The following EPHA6 variants were observed in gnomAD, a reference collection of about 807,000 sequenced individuals.
EPHA6 encodes the protein ephrin type-A receptor 6.
EPHA6 carries 50 observed loss-of-function variants against 112.0 expected under a neutral mutation model. That is an observed-to-expected ratio of 0.45 (90% CI 0.36 to 0.56). The LOEUF is 0.56. EPHA6 is among the 20% of genes least tolerant of loss of function. EPHA6 has a pLI of 0.00. For missense variants in EPHA6, 1,280 were observed against 1,417.4 expected (o/e 0.90, Z 1.56); for synonymous variants, 529 against 490.7 (o/e 1.08, Z -1.03).
chr3:97,639,286 G>A (rs906395472), intron 14 of EPHA6, among the ~76,000 whole-genome samples: 20 of 151,942 alleles, frequency 1.3e-4, no homozygotes, highest in East Asian at 3.9e-4. Context: ...TTTAGAAAAA[G>A]CAGTATTTTC....
intron 3 of EPHA6, among the ~76,000 whole-genome samples, chr3:97,028,381 A>G (rs2044714079): frequency 1.3e-5 from 2 of 152,144 alleles, no homozygotes. Context: ...AGTAGCTGTA[A>G]TAATAGGAGC....
At chr3:96,865,197 C>T (rs913652184) in intron 1 of EPHA6, among the ~76,000 whole-genome samples, 8 of 151,948 alleles carry the variant, frequency 5.3e-5, no homozygotes, top group African/African-American at 1.9e-4. Flanking sequence ...TTTAACAATA[C>T]TAAAGGAATA....
chr3:97,065,885 A>T (rs867776710), intron 3 of EPHA6, among the ~76,000 whole-genome samples: 44 of 152,112 alleles, frequency 2.9e-4, no homozygotes, highest in African/African-American at 8.2e-4. Flanking sequence ...TGATTTTTTT[A>T]AAAAAATCCT....
chr3:97,288,997 G>T (rs1171079564), intron 5 of EPHA6, among the ~76,000 whole-genome samples: 1 of 142,024 alleles, frequency 7.0e-6, no homozygotes, highest in African/African-American at 2.6e-5. Flanking sequence ...ACTTTTGTCA[G>T]ATACATAATT....
chr3:97,615,497 A>G (rs2093758090), intron 13 of EPHA6, among the ~76,000 whole-genome samples: 1 of 152,128 alleles, frequency 6.6e-6, no homozygotes, highest in Non-Finnish European at 1.5e-5. Context: ...CCTCCACAGT[A>G]GCCTACGGGA....
At chr3:96,854,240 C>G (rs1316508795) in intron 1 of EPHA6, among the ~76,000 whole-genome samples, 3 of 145,774 alleles carry the variant, frequency 2.1e-5, no homozygotes, top group Non-Finnish European at 3.0e-5. Context: ...AGTGCAGTGG[C>G]ACAATCTCAG....
At chr3:97,743,073 T>C (rs890842205) in intron 16 of EPHA6, among the ~76,000 whole-genome samples, 1 of 152,140 alleles carries the variant, frequency 6.6e-6, no homozygotes, top group African/African-American at 2.4e-5. Context: ...TTCTCCACTC[T>C]GAAACCTATA....
At chr3:97,435,908 T>C (rs1560004984) in intron 6 of EPHA6, among the ~76,000 whole-genome samples, 2 of 152,190 alleles carry the variant, frequency 1.3e-5, no homozygotes, top group East Asian at 1.9e-4. Context: ...TCTGCAGATA[T>C]TTTCACATTC....
chr3:97,637,941 G>C lies in EPHA6; in HGVS notation c.2643G>C (p.Lys881Asn), dbSNP rs2093963548. ...GMLRGIASGMKYLSDMGYVHR... is the reference protein window; with the variant it reads ...GMLRGIASGMNYLSDMGYVHR... ...TCCGAGGCATTGCATCAGGCATGAAGTATCTTTCTGATATGGGTTATGTTC... is the reference window on the plus strand; with the variant it reads ...TCCGAGGCATTGCATCAGGCATGAACTATCTTTCTGATATGGGTTATGTTC... The change falls in exon 14 of 18, where the codon AAG becomes AAC. Residue 881 changes from lysine to asparagine, a missense_variant. Lys to Asn is a moderately conservative substitution (Grantham distance 94). This residue lies in a region of EPHA6 where 878 missense variants were observed against 999.7 expected (regional missense o/e 0.88). Coordinates refer to ENST00000389672, the MANE Select transcript of EPHA6 (RefSeq NM_001080448.3). 4 of 1,613,812 alleles carry C rather than the reference G, an allele frequency of 2.5e-6. No individual in the cohort carries two copies. The Admixed American group carries it at 6.7e-5, about 27-fold the overall frequency.
intron 4 of EPHA6, among the ~76,000 whole-genome samples, chr3:97,229,801 T>G (rs2108552033): frequency 6.6e-6 from 1 of 152,276 alleles, no homozygotes; most frequent in South Asian, 2.1e-4. Context: ...CATTAGTAGA[T>G]GTAATTTTGG....
intron 6 of EPHA6, among the ~76,000 whole-genome samples, chr3:97,429,680 G>T (rs746468200): frequency 1.3e-5 from 2 of 152,018 alleles, no homozygotes; most frequent in Non-Finnish European, 2.9e-5. Flanking sequence ...TCCTTTCTTG[G>T]ATGTACAAAT....
intron 5 of EPHA6, among the ~76,000 whole-genome samples, chr3:97,371,736 A>C (rs2108983179): frequency 6.6e-6 from 1 of 152,296 alleles, no homozygotes; most frequent in African/African-American, 2.4e-5. Flanking sequence ...AAAAGCAAAT[A>C]GGAGAAATAT....
At chr3:96,994,326 C>T (rs773110591) in intron 3 of EPHA6, 10 of 244,738 alleles carry the variant, frequency 4.1e-5, no homozygotes, top group Non-Finnish European at 6.8e-5. Context: ...TTAAGACTGT[C>T]ATATTGGACA....
chr3:97,648,184 C>G, intron 14 of EPHA6: 1 of 549,396 alleles, frequency 1.8e-6, no homozygotes, highest in Non-Finnish European at 3.2e-6. Context: ...GCAATTCAGT[C>G]GAAATACTTT....
chr3:97,475,825 G>A (rs2091354427), intron 8 of EPHA6, among the ~76,000 whole-genome samples: 1 of 152,024 alleles, frequency 6.6e-6, no homozygotes, highest in South Asian at 2.1e-4. Flanking sequence ...TAGTGTTATA[G>A]AAATATAATA....
chr3:97,586,462 T>C (rs4857275), intron 11 of EPHA6, among the ~76,000 whole-genome samples: 40,052 of 151,982 alleles, frequency 0.26, 7,899 homozygotes, highest in African/African-American at 0.54. Flanking sequence ...AACAAAGAAG[T>C]ATTTGCTCAA....
chr3:97,465,614 C>A (rs1266225887), intron 7 of EPHA6, among the ~76,000 whole-genome samples: 2 of 152,022 alleles, frequency 1.3e-5, no homozygotes, highest in Non-Finnish European at 2.9e-5. Flanking sequence ...CCAAAAGCTT[C>A]CCTTAGAACT....
chr3:97,004,779 A>G (rs572043398), intron 3 of EPHA6, among the ~76,000 whole-genome samples: 7 of 152,198 alleles, frequency 4.6e-5, no homozygotes, highest in African/African-American at 7.2e-5. Context: ...TTTTGGTTTT[A>G]CATTTAAGTA....
At chr3:97,445,678 A>G (rs2090318593) in intron 6 of EPHA6, among the ~76,000 whole-genome samples, 1 of 152,022 alleles carries the variant, frequency 6.6e-6, no homozygotes, top group African/African-American at 2.4e-5. Flanking sequence ...ATTTATAGTA[A>G]GAACAGATAT....
Sources: gnomAD v4.1 joint callset for allele counts (sites outside exome capture counted in the v4.1 genomes callset) on GRCh38, gnomAD v4.1.1 for gene constraint, gnomAD v4.1.1 regional missense constraint, MANE v1.5 for transcripts, NCBI Gene and HGNC (gene_info 2026-07-23, HGNC 2026-07-21) for gene names.